PARD3: variants seen among roughly 807,000 people sequenced by gnomAD.
PARD3 encodes partitioning defective 3 homolog.
PARD3 carries 75 observed loss-of-function variants against 155.4 expected under a neutral mutation model. The ratio of observed to expected loss-of-function variants is 0.48; its 90% CI spans 0.40 to 0.58. The LOEUF is 0.58. Ranked by LOEUF, PARD3 falls within the 20% of genes least tolerant of loss-of-function variation. The probability of loss-of-function intolerance (pLI) is 0.00; values close to 1 mark genes in which losing one functional copy is unlikely to be tolerated. For synonymous variants in PARD3, 576 were observed against 610.5 expected (o/e 0.94, Z 0.83); for missense variants, 1,642 against 1,721.7 (o/e 0.95, Z 0.82).
chr10:34,648,788 T>C (rs893373163), intron 2 of PARD3, among the ~76,000 whole-genome samples: 2 of 152,090 alleles, frequency 1.3e-5, no homozygotes, highest in African/African-American at 4.8e-5. Flanking sequence ...AATGTGAAAA[T>C]CTATGTCCTT....
At chr10:34,185,993 T>C (rs182087268) in intron 22 of PARD3, among the ~76,000 whole-genome samples, 44 of 152,044 alleles carry the variant, frequency 2.9e-4, no homozygotes, top group African/African-American at 9.9e-4. Flanking sequence ...GAAACCTTTG[T>C]TTCCAAGGAG....
chr10:34,578,907 G>C (rs1331230514), intron 2 of PARD3, among the ~76,000 whole-genome samples: 3 of 152,186 alleles, frequency 2.0e-5, no homozygotes, highest in African/African-American at 7.2e-5. Context: ...TATAGGTAGA[G>C]GTGTTGAGGA....
intron 20 of PARD3, among the ~76,000 whole-genome samples, chr10:34,294,787 C>T (rs1470362215): frequency 6.6e-6 from 1 of 152,116 alleles, no homozygotes; most frequent in Admixed American, 6.5e-5. Flanking sequence ...AGGTTCAAGT[C>T]AAGAGGCAAA....
intron 5 of PARD3, among the ~76,000 whole-genome samples, chr10:34,428,872 T>C (rs117150893): frequency 6.6e-6 from 1 of 152,076 alleles, no homozygotes; most frequent in Non-Finnish European, 1.5e-5. Flanking sequence ...AAAATAGAAG[T>C]ACGAATCAGT....
chr10:34,446,245 C>G (rs527245960), intron 5 of PARD3, among the ~76,000 whole-genome samples: 1 of 152,252 alleles, frequency 6.6e-6, no homozygotes, highest in South Asian at 2.1e-4. Context: ...TGCTAAGCTA[C>G]AGAGTTAACT....
intron 2 of PARD3, among the ~76,000 whole-genome samples, chr10:34,634,994 A>G (rs950995848): frequency 2.0e-5 from 3 of 152,224 alleles, no homozygotes; most frequent in African/African-American, 4.8e-5. Context: ...ATGGCGGCCT[A>G]CACTGGGTCC....
intron 14 of PARD3, among the ~76,000 whole-genome samples, chr10:34,358,129 AT>A (rs2134475809): frequency 6.6e-6 from 1 of 152,290 alleles, no homozygotes; most frequent in South Asian, 2.1e-4. Context: ...TCAACAGCTC[AT>A]TTTGCACATG....
intron 22 of PARD3, among the ~76,000 whole-genome samples, chr10:34,177,621 A>G (rs910099156): frequency 6.6e-6 from 1 of 152,170 alleles, no homozygotes; most frequent in East Asian, 1.9e-4. Context: ...ATTGTCCCCA[A>G]ACCTCAACCC....
intron 5 of PARD3, among the ~76,000 whole-genome samples, chr10:34,425,818 T>C (rs1350687589): frequency 6.6e-6 from 1 of 152,232 alleles, no homozygotes; most frequent in Non-Finnish European, 1.5e-5. Flanking sequence ...CTAAAGTCAA[T>C]ACTATTTATT....
chr10:34,495,095 G>A (rs773987), intron 3 of PARD3, among the ~76,000 whole-genome samples: 56,134 of 151,650 alleles, frequency 0.37, 10,497 homozygotes, highest in East Asian at 0.43. Context: ...ACTCAATTTC[G>A]CAGGGGGCAA....
chr10:34,341,540 G>T, intron 16 of PARD3, 87 bp downstream of exon 16: 1 of 976,256 alleles, frequency 1.0e-6, no homozygotes, highest in Non-Finnish European at 1.5e-6. Flanking sequence ...TTAAAAAAAT[G>T]ATTAACTGTA....
chr10:34,237,032 T>G (rs1953278232), intron 22 of PARD3, among the ~76,000 whole-genome samples: 1 of 152,104 alleles, frequency 6.6e-6, no homozygotes, highest in African/African-American at 2.4e-5. Flanking sequence ...GATGCTGAGG[T>G]CAAGACAACT....
chr10:34,229,093 G>T (rs910086617), intron 22 of PARD3, among the ~76,000 whole-genome samples: 1 of 151,978 alleles, frequency 6.6e-6, no homozygotes, highest in Admixed American at 6.6e-5. Flanking sequence ...CTGTCCCTTT[G>T]ACTCAGTCCT....
intron 12 of PARD3, among the ~76,000 whole-genome samples, chr10:34,370,445 T>A: frequency 6.6e-6 from 1 of 152,174 alleles, no homozygotes; most frequent in East Asian, 1.9e-4. Context: ...TATTGTTGTT[T>A]ATTTTTAACT....
intron 2 of PARD3, among the ~76,000 whole-genome samples, chr10:34,597,796 G>A (rs1039545909): frequency 6.6e-6 from 1 of 152,144 alleles, no homozygotes. Context: ...TGATTGTCCA[G>A]TGAGCTGGGC....
rs966018147 is a variant in PARD3 at position 34,467,789 on chromosome 10, G to A, written c.582+2296C>T. On this transcript the variant is annotated intron_variant, in intron 4 of 24. Coordinates refer to ENST00000374788, the MANE Select transcript of PARD3 (RefSeq NM_001184785.2). ...AATAAATATTTAAAAATGAAACTGCGTCAGCTAGGTGGATGTGGTTAATTG... is the reference window on the plus strand; with the variant it reads ...AATAAATATTTAAAAATGAAACTGCATCAGCTAGGTGGATGTGGTTAATTG... 5.9e-5 allele frequency among the ~76,000 whole-genome samples: 9 copies of A among 152,200 alleles called. No individual in the cohort carries two copies. In the South Asian group the frequency reaches 6.2e-4, roughly 11 times the overall value.
At chr10:34,127,713 G>A (rs1264866551) in intron 23 of PARD3, among the ~76,000 whole-genome samples, 4 of 152,208 alleles carry the variant, frequency 2.6e-5, no homozygotes. Flanking sequence ...CTCAGGCGGG[G>A]CTGTGCCAGG....
intron 22 of PARD3, among the ~76,000 whole-genome samples, chr10:34,228,743 GT>G (rs1356616654): frequency 6.6e-6 from 1 of 152,022 alleles, no homozygotes; most frequent in Non-Finnish European, 1.5e-5. Flanking sequence ...GCTGAATCGT[GT>G]TCAACAAAAT....
intron 18 of PARD3, among the ~76,000 whole-genome samples, chr10:34,332,093 T>C (rs1835679993): frequency 6.6e-6 from 1 of 152,136 alleles, no homozygotes; most frequent in African/African-American, 2.4e-5. Context: ...AAACAGGTGA[T>C]GGACAGAAGA....
Sources: gnomAD v4.1 joint callset for allele counts (sites outside exome capture counted in the v4.1 genomes callset) on GRCh38, gnomAD v4.1.1 for gene constraint, MANE v1.5 for transcripts, NCBI Gene and HGNC (gene_info 2026-07-23, HGNC 2026-07-21) for gene names.